The following METAP1D variants were observed in gnomAD, a reference collection of about 807,000 sequenced individuals.
METAP1D encodes the protein methionine aminopeptidase 1D, mitochondrial.
METAP1D carries 31 observed loss-of-function variants against 40.5 expected under a neutral mutation model. The observed-to-expected ratio is 0.77, with a 90% CI of 0.58 to 1.03. The LOEUF (loss-of-function observed/expected upper bound fraction) is 1.03, where lower values mean the gene tolerates loss of function less well. METAP1D is among the 50% of genes least tolerant of loss of function. METAP1D has a pLI of 0.00. For missense variants in METAP1D, 411 were observed against 420.7 expected (o/e 0.98, Z 0.20); for synonymous variants, 151 against 146.4 (o/e 1.03, Z -0.22).
intron 5 of METAP1D, among the ~76,000 whole-genome samples, chr2:172,067,864 G>T (rs960782001): frequency 2.0e-5 from 3 of 152,006 alleles, no homozygotes; most frequent in African/African-American, 7.2e-5. Flanking sequence ...AAACATATAG[G>T]TCCATATCTT....
intron 1 of METAP1D, among the ~76,000 whole-genome samples, chr2:172,039,172 A>C (rs1339850060): frequency 6.6e-6 from 1 of 152,148 alleles, no homozygotes. Flanking sequence ...TTTGCTCTGC[A>C]TTGTTTCTCC....
Position 172,080,469 on chromosome 2 carries a change from G to C in METAP1D, c.*63G>C. The C allele has an allele frequency of 1.9e-6, 3 of 1,564,330 alleles. No individual in the cohort carries two copies. The highest frequency in any genetic ancestry group is 2.6e-6 in the Non-Finnish European group (3 of 1,136,506). On this transcript the variant is annotated 3_prime_UTR_variant, in exon 10 of 10. Coordinates refer to ENST00000315796, the MANE Select transcript of METAP1D (RefSeq NM_199227.3). ...TAAATAAATTGCTGAAATTTGGCTG[G>C]AGAACTTTTAGAAGAAACAGGGAAA...
chr2:172,059,792 C>A (rs982170339), intron 1 of METAP1D, among the ~76,000 whole-genome samples: 1 of 152,128 alleles, frequency 6.6e-6, no homozygotes, highest in East Asian at 1.9e-4. Flanking sequence ...TGGCTACGCC[C>A]GTAATCCCAG....
intron 2 of METAP1D, 41 bp downstream of exon 2, chr2:172,061,696 A>G: frequency 1.3e-6 from 2 of 1,525,886 alleles, no homozygotes; most frequent in Middle Eastern, 1.8e-4. Context: ...TCCAGCCAAG[A>G]TAAAAGTTGA....
At chr2:172,039,192 C>T (rs1377000208) in intron 1 of METAP1D, among the ~76,000 whole-genome samples, 2 of 152,184 alleles carry the variant, frequency 1.3e-5, no homozygotes, top group Admixed American at 6.5e-5. Context: ...CAACCCTCTT[C>T]ATGTTTAACT....
chr2:172,040,999 C>T (rs2105434115), intron 1 of METAP1D, among the ~76,000 whole-genome samples: 1 of 151,710 alleles, frequency 6.6e-6, no homozygotes, highest in Middle Eastern at 3.4e-3. Context: ...ATCTCTTGAC[C>T]TTGTGATCCG....
At chr2:172,076,334 C>T (rs1690546013) in intron 6 of METAP1D, among the ~76,000 whole-genome samples, 1 of 150,654 alleles carries the variant, frequency 6.6e-6, no homozygotes, top group Admixed American at 6.6e-5. Flanking sequence ...AAAAAAAAAT[C>T]TAGATTATTA....
intron 1 of METAP1D, among the ~76,000 whole-genome samples, chr2:172,045,388 C>T (rs1209829771): frequency 1.5e-5 from 2 of 132,272 alleles, no homozygotes; most frequent in Non-Finnish European, 3.5e-5. Context: ...AAGCCGGGCG[C>T]GGTGGCTCAC....
At position 172,065,513 on chromosome 2, in the gene METAP1D, T is replaced by C; in HGVS notation, c.349-91T>C. 6 of 1,240,226 alleles carry C rather than the reference T, an allele frequency of 4.8e-6. No homozygotes were observed. The South Asian group carries it at 8.4e-5, about 17-fold the overall frequency. The allele number at this position is 1,240,226 out of a possible 1,614,324, so 76.8% of individuals were successfully genotyped here. ...TTTATCATAGTAAATTTATACAGTC[T>C]CACATGGAAGTACTGTTGCTATAGC... is the stretch of plus-strand genomic sequence containing the variant. On this transcript the variant is annotated intron_variant, in intron 3 of 9. Coordinates refer to ENST00000315796, the MANE Select transcript of METAP1D (RefSeq NM_199227.3).
chr2:172,024,766 G>GTGTA (rs1553491407), intron 1 of METAP1D, among the ~76,000 whole-genome samples: 13 of 150,600 alleles, frequency 8.6e-5, no homozygotes, highest in East Asian at 3.9e-4. Flanking sequence ...GTGTGTGTGT[G>GTGTA]TGTGTGTGTG....
intron 1 of METAP1D, among the ~76,000 whole-genome samples, chr2:172,021,586 A>T (rs1689009419): frequency 6.6e-6 from 1 of 152,254 alleles, no homozygotes; most frequent in Non-Finnish European, 1.5e-5. Context: ...GGGTGTTTAC[A>T]CAAAGGTACT....
rs1273069042 is a variant in METAP1D, at chr2:172,041,726, T to TTTTATATATATA, written c.41-19771_41-19770insTTATATATATAT. Among the ~76,000 whole-genome samples the TTTTATATATATA allele has an allele frequency of 4.0e-4, 15 of 37,562 alleles. 2 individuals are homozygous for TTTTATATATATA. The highest frequency in any genetic ancestry group is 9.3e-4 in the South Asian group (1 of 1,080). The allele number at this position is 37,562 out of a possible 152,430, so 24.6% of individuals were successfully genotyped here. A position where few individuals can be genotyped will look rare whatever the true frequency, so the allele number is the denominator to read the frequency against. Reference sequence around the variant, plus strand: ...TTTTAATTTCCTTACTCTAATTATTTTATATATATATATATATATATATAT... The same window carrying TTTTATATATATA: ...TTTTAATTTCCTTACTCTAATTATTTTTTATATATATATATATATATATATATATATATATAT... On this transcript the variant is annotated intron_variant, in intron 1 of 9. Coordinates refer to ENST00000315796, the MANE Select transcript of METAP1D (RefSeq NM_199227.3).
At chr2:172,066,619 G>A (rs142931604) in intron 5 of METAP1D, among the ~76,000 whole-genome samples, 15 of 152,298 alleles carry the variant, frequency 9.8e-5, no homozygotes, top group African/African-American at 3.1e-4. Flanking sequence ...TGTAGTTAAC[G>A]CAGAGCACCA....
chr2:172,025,172 CAATT>C (rs1055103012), intron 1 of METAP1D, among the ~76,000 whole-genome samples: 2 of 152,124 alleles, frequency 1.3e-5, no homozygotes, highest in African/African-American at 4.8e-5. Context: ...TTTTCTCAAT[CAATT>C]GTTCTAGGGC....
chr2:172,022,229 C>T (rs888726104), intron 1 of METAP1D, among the ~76,000 whole-genome samples: 3 of 152,148 alleles, frequency 2.0e-5, no homozygotes, highest in Non-Finnish European at 4.4e-5. Flanking sequence ...GACGTTGAGT[C>T]GCCGGATCCC....
chr2:172,080,089 C>A (rs2120350), intron 8 of METAP1D, 39 bp from the exon 9 acceptor site: 3 of 1,526,972 alleles, frequency 2.0e-6, no homozygotes. Context: ...TAACAAGAAT[C>A]TGATGAGGTC....
chr2:172,013,768 A>T (rs1558993943), intron 1 of METAP1D, among the ~76,000 whole-genome samples: 1 of 151,618 alleles, frequency 6.6e-6, no homozygotes, highest in African/African-American at 2.4e-5. Context: ...CTGATGAAGC[A>T]TTTTTTCCAA....
intron 6 of METAP1D, among the ~76,000 whole-genome samples, chr2:172,076,964 A>G (rs1001305686): frequency 1.3e-5 from 2 of 152,240 alleles, no homozygotes; most frequent in Admixed American, 6.5e-5. Context: ...ACTACTTTTC[A>G]ATCTTGTAGA....
At position 172,080,280 on chromosome 2, in the gene METAP1D, C is replaced by T. The variant is rs761497989; in HGVS notation, c.930-48C>T. On this transcript the variant is annotated intron_variant, in intron 9 of 9. Coordinates refer to ENST00000315796, the MANE Select transcript of METAP1D (RefSeq NM_199227.3). ...TTGGTCCGACGGCGCGCTTGTGGCC[C>T]GGCCGGAGCTTGCGTGCGCGTTCTG... 6.2e-6 allele frequency: 10 copies of T among 1,613,808 alleles called. No individual in the cohort carries two copies. In the Admixed American group the frequency reaches 1.5e-4, roughly 24 times the overall value.
Sources: allele counts gnomAD v4.1 joint callset (sites outside exome capture counted in the v4.1 genomes callset), GRCh38; gene constraint gnomAD v4.1.1; transcripts MANE v1.5; gene names NCBI Gene and HGNC (gene_info 2026-07-23, HGNC 2026-07-21).